Variants in VSTM4 observed in about 807,000 individuals in gnomAD.
VSTM4 encodes the protein V-set and transmembrane domain containing 4.
A neutral mutation model predicts 36.4 loss-of-function variants in VSTM4; 20 were observed. The ratio of observed to expected loss-of-function variants is 0.55; its 90% CI spans 0.39 to 0.80. The LOEUF (loss-of-function observed/expected upper bound fraction) is 0.80, where lower values mean the gene tolerates loss of function less well. Among genes scored for constraint, VSTM4 ranks in the 30% least tolerant of loss-of-function variants. VSTM4 has a pLI of 0.00. For synonymous variants in VSTM4, 182 were observed against 173.9 expected (o/e 1.05, Z -0.37); for missense variants, 392 against 404.5 (o/e 0.97, Z 0.26).
At chr10:49,111,357 C>T (rs2045405588) in intron 1 of VSTM4, among the ~76,000 whole-genome samples, 1 of 152,166 alleles carries the variant, frequency 6.6e-6, no homozygotes, top group Admixed American at 6.5e-5. Flanking sequence ...GAAGCAGGTG[C>T]AGCAGTGTCC....
intron 4 of VSTM4, among the ~76,000 whole-genome samples, chr10:49,064,997 G>A (rs533657542): frequency 9.2e-5 from 14 of 152,296 alleles, no homozygotes; most frequent in African/African-American, 3.1e-4. Flanking sequence ...TATTCATTTT[G>A]GGCCAAGGCA....
intron 4 of VSTM4, among the ~76,000 whole-genome samples, chr10:49,065,764 G>C (rs1843962376): frequency 1.3e-5 from 2 of 152,192 alleles, no homozygotes; most frequent in Admixed American, 6.5e-5. Context: ...CTGTGGAATT[G>C]AGAGCAGATA....
rs1843072295 is a variant in VSTM4 at position 49,014,404 on chromosome 10, T to G, written c.*5246A>C. 6.6e-6 allele frequency: 1 copy of G among 152,216 alleles called. No individual in the cohort carries two copies. Among genetic ancestry groups the G allele is most frequent in the Non-Finnish European group, 1.5e-5 (1 of 68,042 alleles). 9.4% of individuals were successfully genotyped at this position (152,216 alleles called of 1,614,324 possible). ...TAATAGCATTGTGTTTATTAGAAAT[T>G]GGGCACCAAGTCGTCTTTCACCAGT... On this transcript the variant is annotated 3_prime_UTR_variant, in exon 8 of 8. Transcript: ENST00000332853.
intron 5 of VSTM4, among the ~76,000 whole-genome samples, chr10:49,059,382 C>A (rs535159980): frequency 1.3e-5 from 2 of 152,208 alleles, no homozygotes; most frequent in African/African-American, 2.4e-5. Context: ...CAAGATTCTG[C>A]GGTCATCTTG....
At chr10:49,071,334 T>C (rs986819241) in intron 4 of VSTM4, among the ~76,000 whole-genome samples, 2 of 152,150 alleles carry the variant, frequency 1.3e-5, no homozygotes, top group South Asian at 4.1e-4. Context: ...TGGAAACAAG[T>C]ATGATTGAGG....
At chr10:49,042,828 A>G (rs1843541394) in intron 7 of VSTM4, among the ~76,000 whole-genome samples, 1 of 152,240 alleles carries the variant, frequency 6.6e-6, no homozygotes, top group South Asian at 2.1e-4. Flanking sequence ...ATTAATAGAT[A>G]TAAACACAAA....
chr10:49,025,873 C>T (rs559045202), intron 7 of VSTM4, among the ~76,000 whole-genome samples: 4 of 152,372 alleles, frequency 2.6e-5, no homozygotes, highest in African/African-American at 9.6e-5. Flanking sequence ...TGCCCCCAAA[C>T]CCTGTGTTCC....
intron 1 of VSTM4, 107 bp downstream of exon 1, chr10:49,115,324 C>CCCCTTGG: frequency 1.3e-6 from 1 of 768,976 alleles, no homozygotes; most frequent in Non-Finnish European, 1.6e-6. Context: ...CCCCCGCCCG[C>CCCCTTGG]GCCCGGAGGT....
chr10:49,046,928 C>CCTT, intron 7 of VSTM4, 55 bp downstream of exon 7: 3 of 1,552,374 alleles, frequency 1.9e-6, no homozygotes, highest in Non-Finnish European at 2.7e-6. Context: ...GTTTTGGAAT[C>CCTT]TGAGTTGTGT....
chr10:49,069,990 C>T lies in VSTM4; in HGVS notation c.635-5254G>A, dbSNP rs868411135. Among the ~76,000 whole-genome samples the T allele has an allele frequency of 1.1e-4, 7 of 61,922 alleles. 1 individual carries two copies. In the East Asian group the frequency reaches 2.6e-3, roughly 23 times the overall value. 40.6% of individuals were successfully genotyped at this position (61,922 alleles called of 152,430 possible). A position where few individuals can be genotyped will look rare whatever the true frequency, so the allele number is the denominator to read the frequency against. On this transcript the variant is annotated intron_variant, in intron 4 of 7. Coordinates refer to ENST00000332853, the MANE Select transcript of VSTM4 (RefSeq NM_001031746.5). ...AATATCGGCCGGGCGCGGTGGCTCACGCCTGTAATCCCAGCACTTTGGGAG... is the reference window on the plus strand; with the variant it reads ...AATATCGGCCGGGCGCGGTGGCTCATGCCTGTAATCCCAGCACTTTGGGAG...
At chr10:49,044,534 AAG>A (rs1326863154) in intron 7 of VSTM4, among the ~76,000 whole-genome samples, 2 of 151,720 alleles carry the variant, frequency 1.3e-5, no homozygotes, top group Non-Finnish European at 2.9e-5. Context: ...AAGAAAAAGA[AAG>A]AAAGAAAGGA....
At chr10:49,037,140 T>C (rs1367599991) in intron 7 of VSTM4, among the ~76,000 whole-genome samples, 1 of 152,214 alleles carries the variant, frequency 6.6e-6, no homozygotes, top group Non-Finnish European at 1.5e-5. Context: ...TTCTCCTTGT[T>C]GACAGATAAA....
chr10:49,027,373 C>T (rs913406359), intron 7 of VSTM4, among the ~76,000 whole-genome samples: 2 of 152,230 alleles, frequency 1.3e-5, no homozygotes, highest in African/African-American at 4.8e-5. Flanking sequence ...TGTCCACAGA[C>T]TCAGCCCTAG....
intron 5 of VSTM4, among the ~76,000 whole-genome samples, chr10:49,061,110 T>C (rs1441238387): frequency 1.3e-5 from 2 of 152,222 alleles, no homozygotes; most frequent in Non-Finnish European, 2.9e-5. Flanking sequence ...CTGACTTTGT[T>C]ATTTTTTAAA....
chr10:49,067,438 GT>G, intron 4 of VSTM4, among the ~76,000 whole-genome samples: 1 of 152,236 alleles, frequency 6.6e-6, no homozygotes. Context: ...CTAATCCTCA[GT>G]ACTTCAGAAT....
At chr10:49,101,727 C>T (rs1368998901) in intron 2 of VSTM4, among the ~76,000 whole-genome samples, 1 of 152,146 alleles carries the variant, frequency 6.6e-6, no homozygotes, top group Non-Finnish European at 1.5e-5. Flanking sequence ...GCCTTAGGCC[C>T]AGCAATTCCC....
At chr10:49,074,830 C>T (rs1844145629) in intron 4 of VSTM4, among the ~76,000 whole-genome samples, 1 of 152,198 alleles carries the variant, frequency 6.6e-6, no homozygotes, top group Non-Finnish European at 1.5e-5. Context: ...ACATGAGAGG[C>T]TTGGGAACCC....
chr10:49,090,168 G>A (rs749879266), intron 2 of VSTM4, among the ~76,000 whole-genome samples: 14 of 152,248 alleles, frequency 9.2e-5, no homozygotes, highest in Non-Finnish European at 1.8e-4. Context: ...CAAATCTCCT[G>A]ATGGAAGAGC....
At chr10:49,110,659 A>C (rs1042598608) in intron 1 of VSTM4, among the ~76,000 whole-genome samples, 2 of 151,974 alleles carry the variant, frequency 1.3e-5, no homozygotes, top group African/African-American at 4.8e-5. Flanking sequence ...GCTGGGCCCT[A>C]ATCTAGTATC....
Sources: allele counts gnomAD v4.1 joint callset (sites outside exome capture counted in the v4.1 genomes callset), GRCh38; gene constraint gnomAD v4.1.1; transcripts MANE v1.5; gene names NCBI Gene and HGNC (gene_info 2026-07-23, HGNC 2026-07-21).